The following ZNF395 variants were observed in gnomAD, a reference collection of about 807,000 sequenced individuals.
ZNF395 encodes zinc finger protein 395.
In ZNF395, 20 loss-of-function variants were observed where a neutral mutation model predicts 57.7. The observed-to-expected ratio is 0.35, with a 90% CI of 0.24 to 0.50. ZNF395 has a LOEUF of 0.50. ZNF395 is among the 20% of genes least tolerant of loss of function. The probability of loss-of-function intolerance (pLI) is 0.97; values close to 1 mark genes in which losing one functional copy is unlikely to be tolerated. For synonymous variants in ZNF395, 295 were observed against 275.9 expected (o/e 1.07, Z -0.69); for missense variants, 606 against 671.2 (o/e 0.90, Z 1.07).
Position 28,360,799 on chromosome 8 carries a change from A to T in ZNF395, c.240+86T>A, listed in dbSNP as rs536210115. Reference sequence around the variant, plus strand: ...TCTGCACTCAAAACGGTGCCCAGAGAGTTTCCGGCCTGTCACTAGGGCACC... The same window carrying T: ...TCTGCACTCAAAACGGTGCCCAGAGTGTTTCCGGCCTGTCACTAGGGCACC... On this transcript the variant is annotated intron_variant, in intron 2 of 9. Transcript: ENST00000344423. 6.6e-5 allele frequency: 102 copies of T among 1,539,732 alleles called. No homozygotes were observed. The South Asian group carries it at 1.2e-3, about 18-fold the overall frequency.
chr8:28,361,263 T>A, intron 1 of ZNF395, 81 bp from the exon 2 acceptor site: 2 of 1,153,372 alleles, frequency 1.7e-6, no homozygotes, highest in Non-Finnish European at 1.2e-6. Context: ...GTGAACCCTT[T>A]AAAGTCAACT....
In ZNF395 at chr8:28,359,057, T is replaced by C. The variant is rs192934119; in HGVS notation, c.473+535A>G. On this transcript the variant is annotated intron_variant, in intron 3 of 9. Coordinates refer to ENST00000344423, the MANE Select transcript of ZNF395 (RefSeq NM_018660.3). This position sits in a 1 kb window ranked among gnomAD's most constrained non-coding sequence, Gnocchi z 4.7. ...CATGAGAGGGGAAAAAATAGCCCTA[T>C]GCCCAACCAAAGGTACATTGCCCAT... 6.6e-6 allele frequency among the ~76,000 whole-genome samples: 1 copy of C among 152,274 alleles called. No homozygotes were observed. The highest frequency in any genetic ancestry group is 1.9e-4 in the East Asian group (1 of 5,178).
intron 8 of ZNF395, 110 bp downstream of exon 8, chr8:28,349,954 C>T: frequency 2.0e-6 from 2 of 990,506 alleles, no homozygotes; most frequent in Non-Finnish European, 2.8e-6. Flanking sequence ...AAGATGGCCA[C>T]ACCGACCTGT....
rs1454588549 is a variant in ZNF395 at position 28,351,747 on chromosome 8, C to G, written c.981G>C (p.Gln327His). 6.2e-7 allele frequency: 1 copy of G among 1,601,888 alleles called. No individual in the cohort carries two copies. Among genetic ancestry groups the G allele is most frequent in the Non-Finnish European group, 8.5e-7 (1 of 1,178,664 alleles). ...REEDFYYTEV[Q>H]LKEESAAAAA... ...CAGCAGCAGCAGATTCCTCCTTCAG[C>G]TGCACCTCTGTGTAGTAGAAATCCT... The change falls in exon 7 of 10, where the codon CAG (glutamine) becomes CAC (histidine). Residue 327 changes from glutamine (Q) to histidine (H), a missense_variant. Around this residue, in one of 3 missense-constraint regions of ZNF395, gnomAD observed 261 missense variants for 240.3 expected, o/e 1.09. Coordinates refer to ENST00000344423, the MANE Select transcript of ZNF395 (RefSeq NM_018660.3).
intron 3 of ZNF395, among the ~76,000 whole-genome samples, chr8:28,358,777 G>A (rs188552897): frequency 6.6e-6 from 1 of 152,256 alleles, no homozygotes; most frequent in Non-Finnish European, 1.5e-5. Context: ...TGTGACACAT[G>A]GAAAGTATAT....
chr8:28,349,958 GACC>G lies in ZNF395; in HGVS notation c.1326+103_1326+105del, dbSNP rs1585849731. On this transcript the variant is annotated intron_variant, in intron 8 of 9. Transcript: ENST00000344423. The stretch of plus-strand genomic sequence containing the variant: ...GGGCTGAAAGCAAGATGGCCACACC[GACC>G]TGTGGCCACGTGCCCCGTGCCCAAG... The G allele has an allele frequency of 1.3e-5, 13 of 1,014,366 alleles. No individual in the cohort carries two copies. The East Asian group carries it at 3.5e-4, about 27-fold the overall frequency. The allele number at this position is 1,014,366 out of a possible 1,614,324, so 62.8% of individuals were successfully genotyped here.
chr8:28,362,963 C>T (rs532462775), intron 1 of ZNF395, among the ~76,000 whole-genome samples: 1 of 152,260 alleles, frequency 6.6e-6, no homozygotes, highest in South Asian at 2.1e-4. Flanking sequence ...TCACAGCACG[C>T]AGACAGAAAT....
At position 28,347,621 on chromosome 8, in the gene ZNF395, T is replaced by C. The variant is rs113939990; in HGVS notation, c.*1098A>G. On this transcript the variant is annotated 3_prime_UTR_variant, in exon 10 of 10. Transcript: ENST00000344423. ...ACGTCTTCCTCCTGTCATTTCCTCATCCTGACGCTCACGGGTGCAAGGACT... is the reference window on the plus strand; with the variant it reads ...ACGTCTTCCTCCTGTCATTTCCTCACCCTGACGCTCACGGGTGCAAGGACT... 6.6e-6 allele frequency: 1 copy of C among 152,374 alleles called. No homozygotes were observed. The highest frequency in any genetic ancestry group is 1.5e-5 in the Non-Finnish European group (1 of 68,090). The allele number at this position is 152,374 out of a possible 1,614,324, so 9.4% of individuals were successfully genotyped here. A position where few individuals can be genotyped will look rare whatever the true frequency, so the allele number is the denominator to read the frequency against.
chr8:28,356,579 T>C lies in ZNF395; in HGVS notation c.583+91A>G, dbSNP rs2272749. 0.13 allele frequency: 112,026 copies of C among 881,562 alleles called. 13,497 individuals are homozygous for C. Among genetic ancestry groups the C allele is most frequent in the African/African-American group, 0.52 (30,796 of 59,334 alleles). The allele number at this position is 881,562 out of a possible 1,614,324, so 54.6% of individuals were successfully genotyped here. On this transcript the variant is annotated intron_variant, in intron 4 of 9. Coordinates refer to ENST00000344423, the MANE Select transcript of ZNF395 (RefSeq NM_018660.3). This position sits in a 1 kb window ranked among gnomAD's most constrained non-coding sequence, Gnocchi z 4.0. ...GTCCCTGGACATTCTATTGCCAGGC[T>C]GGTGACATAGGCAACTAGCTGCTCT...
chr8:28,357,803 A>G (rs1801798736), intron 3 of ZNF395, among the ~76,000 whole-genome samples: 1 of 152,184 alleles, frequency 6.6e-6, no homozygotes, highest in Non-Finnish European at 1.5e-5. Flanking sequence ...GTTTTTTCGC[A>G]CTCATAGACA....
At chr8:28,379,547 A>G (rs74816370) in intron 1 of ZNF395, among the ~76,000 whole-genome samples, 3,097 of 152,256 alleles carry the variant, frequency 0.02, 107 homozygotes, top group African/African-American at 0.069. Context: ...AGCCTCATCC[A>G]CTGAAGGCTC....
At chr8:28,370,878 T>G (rs1295908412) in intron 1 of ZNF395, among the ~76,000 whole-genome samples, 1 of 152,170 alleles carries the variant, frequency 6.6e-6, no homozygotes, top group Admixed American at 6.5e-5. Context: ...CACATCTAAG[T>G]GACAAGAGAA....
rs985349798 is a variant in ZNF395 at position 28,377,372 on chromosome 8, C to T, written c.-59+9021G>A. Among the ~76,000 whole-genome samples the T allele has an allele frequency of 5.3e-5, 8 of 152,170 alleles. 1 individual carries two copies. The highest frequency in any genetic ancestry group is 3.3e-4 in the Admixed American group (5 of 15,284). ...TAAACCATGATTGCGCCACTGCATT[C>T]CAGCCTGGCAACAGAGTAAGATCCT... On this transcript the variant is annotated intron_variant, in intron 1 of 9. Transcript: ENST00000344423.
At chr8:28,378,105 T>C (rs528002783) in intron 1 of ZNF395, among the ~76,000 whole-genome samples, 10 of 152,264 alleles carry the variant, frequency 6.6e-5, no homozygotes, top group Admixed American at 4.6e-4. Context: ...TCATTATTAC[T>C]GGCCATTTCC....
At chr8:28,351,875 G>A (rs2129942003) in intron 6 of ZNF395, 68 bp from the exon 7 acceptor site, 1 of 1,490,510 alleles carries the variant, frequency 6.7e-7, no homozygotes, top group Non-Finnish European at 8.9e-7. Context: ...GGGGACCGCG[G>A]TAGGGAGGGA....
At position 28,349,205 on chromosome 8, in the gene ZNF395, G is replaced by A. The variant is rs774768978; in HGVS notation, c.1350C>T (p.Phe450=). 1.9e-6 allele frequency: 3 copies of A among 1,555,070 alleles called. No individual in the cohort carries two copies. Among genetic ancestry groups the A allele is most frequent in the South Asian group, 2.4e-5 (2 of 81,950 alleles). ...CAGGTGCTGGCTGCTGGGGCTCGCT[G>A]AAGCTTAGCGACCGGCTCCGGACCT... ...LSPVRSRSLS[F]SEPQQPAPAM... Residue 450 remains phenylalanine (F), a synonymous_variant, in exon 9 of 10, where the codon TTC becomes TTT. Coordinates refer to ENST00000344423, the MANE Select transcript of ZNF395 (RefSeq NM_018660.3).
chr8:28,353,080 G>T, intron 5 of ZNF395, 93 bp downstream of exon 5: 2 of 1,197,252 alleles, frequency 1.7e-6, no homozygotes, highest in Non-Finnish European at 2.4e-6. Flanking sequence ...ACTATCTAGG[G>T]CCTGCAGGGT....
At chr8:28,349,582 T>A (rs1240443146) in intron 8 of ZNF395, among the ~76,000 whole-genome samples, 1 of 152,236 alleles carries the variant, frequency 6.6e-6, no homozygotes, top group Non-Finnish European at 1.5e-5. Flanking sequence ...CTGCAGGAGA[T>A]AACTCAAGAC....
chr8:28,349,191 T>A lies in ZNF395; in HGVS notation c.1364A>T (p.Gln455Leu). 1 of 1,562,890 alleles carries A rather than the reference T, an allele frequency of 6.4e-7. No individual in the cohort carries two copies. Among genetic ancestry groups the A allele is most frequent in the Non-Finnish European group, 8.7e-7 (1 of 1,154,618 alleles). ...ATGAGATTTCATCGCAGGTGCTGGC[T>A]GCTGGGGCTCGCTGAAGCTTAGCGA... ...SRSLSFSEPQ[Q>L]PAPAMKSHLI... is the part of the protein sequence containing the mutation. The change falls in exon 9 of 10, where the codon CAG becomes CTG. Residue 455 changes from glutamine (Q) to leucine (L), a missense_variant. Around this residue, in one of 3 missense-constraint regions of ZNF395, gnomAD observed 261 missense variants for 240.3 expected, o/e 1.09. Coordinates refer to ENST00000344423, the MANE Select transcript of ZNF395 (RefSeq NM_018660.3).
Sources: allele counts gnomAD v4.1 joint callset (sites outside exome capture counted in the v4.1 genomes callset), GRCh38; gene constraint gnomAD v4.1.1; regional missense constraint gnomAD v4.1.1; non-coding constraint Gnocchi (gnomAD v3.1); transcripts MANE v1.5; gene names NCBI Gene and HGNC (gene_info 2026-07-23, HGNC 2026-07-21).